FKBP14: variants seen among roughly 807,000 people sequenced by gnomAD.
FKBP14 encodes FKBP prolyl isomerase 14, also known as peptidyl-prolyl cis-trans isomerase FKBP14.
A neutral mutation model predicts 21.6 loss-of-function variants in FKBP14; 20 were observed. The ratio of observed to expected loss-of-function variants is 0.92; its 90% CI spans 0.65 to 1.34. The LOEUF (loss-of-function observed/expected upper bound fraction) is 1.34. Ranked by LOEUF, FKBP14 falls within the 40% of genes most tolerant of loss-of-function variation. The pLI is 0.00. For synonymous variants in FKBP14, 79 were observed against 86.7 expected, an observed-to-expected ratio of 0.91 and a Z score of 0.49; for missense variants, 253 against 249.0, an observed-to-expected ratio of 1.02 and a Z score of -0.11.
Position 30,022,771 on chromosome 7 carries a change from G to A in FKBP14, c.243C>T (p.Ile81=), listed in dbSNP as rs764819173. 1 of 1,614,092 alleles carries A rather than the reference G, an allele frequency of 6.2e-7. No individual in the cohort carries two copies. ...NGQPIWFTLG[I]LEALKGWDQG... is the part of the protein sequence containing the mutation. ...GGTCCCAACCTTTGAGAGCCTCCAG[G>A]ATGCCCAGGGTAAACCAAATGGGCT... The change falls in exon 2 of 4, where the codon ATC becomes ATT. Residue 81 remains isoleucine (I), a synonymous_variant. Coordinates refer to ENST00000222803, the MANE Select transcript of FKBP14 (RefSeq NM_017946.4).
At chr7:30,026,224 C>G in intron 1 of FKBP14, 88 bp downstream of exon 1, 1 of 1,293,588 alleles carries the variant, frequency 7.7e-7, no homozygotes, top group Non-Finnish European at 1.1e-6. Flanking sequence ...GAGGCAAAAC[C>G]AGGTACAGGC....
rs1187122243 is a variant in FKBP14 at position 30,014,767 on chromosome 7, T to C, written c.604A>G (p.Arg202Gly). 1 of 1,606,442 alleles carries C rather than the reference T, an allele frequency of 6.2e-7. No individual in the cohort carries two copies. The highest frequency in any genetic ancestry group is 1.1e-5 in the South Asian group (1 of 89,496). The part of the protein sequence containing the change: ...DEDKDGFISA[R>G]EFTYKHDEL ...TCATCGTGTTTATATGTAAATTCTC[T>C]GGCAGATATAAACCCATCTTTGTCT... The change falls in exon 4 of 4, where the codon AGA becomes GGA. Residue 202 changes from arginine (R) to glycine (G), a missense_variant. Transcript: ENST00000222803.
At chr7:30,016,032 C>T (rs1237311692) in intron 3 of FKBP14, among the ~76,000 whole-genome samples, 3 of 152,146 alleles carry the variant, frequency 2.0e-5, no homozygotes, top group African/African-American at 7.2e-5. Flanking sequence ...ACCTCAGCCT[C>T]ACACGTACCT....
At chr7:30,017,108 A>G (rs190633749) in intron 3 of FKBP14, among the ~76,000 whole-genome samples, 2 of 152,270 alleles carry the variant, frequency 1.3e-5, no homozygotes, top group East Asian at 1.9e-4. Flanking sequence ...GAAAGGATAT[A>G]TTAGAAACTA....
At chr7:30,019,688 G>A (rs1789979438) in intron 2 of FKBP14, among the ~76,000 whole-genome samples, 1 of 152,050 alleles carries the variant, frequency 6.6e-6, no homozygotes, top group Non-Finnish European at 1.5e-5. Context: ...ATAAAATGCA[G>A]ATAATAAATT....
downstream of FKBP14, among the ~76,000 whole-genome samples, chr7:30,007,207 CTTTG>C (rs1789632474): frequency 8.9e-6 from 1 of 112,462 alleles, no homozygotes; most frequent in Admixed American, 1.2e-4. Flanking sequence ...AAAAAAGTTC[CTTTG>C]TTTTTTTTTT....
chr7:30,005,988 GAGAGC>G (rs1026144675), downstream of FKBP14, among the ~76,000 whole-genome samples: 8 of 152,026 alleles, frequency 5.3e-5, no homozygotes. Flanking sequence ...ATGTACTACA[GAGAGC>G]ATTTCAATTA....
In FKBP14 at chr7:30,026,604, C is replaced by T. The variant is rs1790188482; in HGVS notation, c.-96G>A. ...GTAGTTCAAGGCTTACGGACAAGGG[C>T]TTCAGACAAGTTCAGGACTCCCCCT... On this transcript the variant is annotated 5_prime_UTR_variant, in exon 1 of 4. Coordinates refer to ENST00000222803, the MANE Select transcript of FKBP14 (RefSeq NM_017946.4). 8.4e-7 allele frequency: 1 copy of T among 1,190,790 alleles called. No individual in the cohort carries two copies. Among genetic ancestry groups the T allele is most frequent in the Admixed American group, 2.7e-5 (1 of 36,906 alleles). 73.8% of individuals were successfully genotyped at this position (1,190,790 alleles called of 1,614,324 possible).
rs1360974688 is a variant in FKBP14, at chr7:30,010,759, A to G, written c.*3976T>C. The stretch of plus-strand genomic sequence containing the variant: ...CCACAGATTATAATGGAGTTGAAAA[A>G]TTCCTGTCACCTGCTAGGGATGTCT... On this transcript the variant is annotated 3_prime_UTR_variant, in exon 4 of 4. Coordinates refer to ENST00000222803, the MANE Select transcript of FKBP14 (RefSeq NM_017946.4). 1 of 152,206 alleles carries G rather than the reference A, an allele frequency of 6.6e-6. No individual in the cohort carries two copies. The highest frequency in any genetic ancestry group is 1.5e-5 in the Non-Finnish European group (1 of 68,048). 9.4% of individuals were successfully genotyped at this position (152,206 alleles called of 1,614,324 possible).
intron 3 of FKBP14, among the ~76,000 whole-genome samples, chr7:30,018,256 T>C (rs1007265984): frequency 6.6e-6 from 1 of 152,152 alleles, no homozygotes; most frequent in African/African-American, 2.4e-5. Flanking sequence ...TAGAATGAAT[T>C]TGATCAAAGC....
chr7:30,016,401 C>G (rs574045434), intron 3 of FKBP14, among the ~76,000 whole-genome samples: 1 of 147,020 alleles, frequency 6.8e-6, no homozygotes, highest in Non-Finnish European at 1.5e-5. Context: ...TTTTGTTTTT[C>G]TTTTTTTTTT....
chr7:30,015,452 A>G (rs1341805204), intron 3 of FKBP14, among the ~76,000 whole-genome samples: 1 of 150,832 alleles, frequency 6.6e-6, no homozygotes, highest in African/African-American at 2.4e-5. Context: ...AAATATATAT[A>G]TATATATAGC....
At chr7:30,020,247 A>AG in intron 2 of FKBP14, 1 of 1,273,146 alleles carries the variant, frequency 7.9e-7, no homozygotes, top group Non-Finnish European at 1.0e-6. Context: ...GACATGCGCT[A>AG]GGTTGTTGAT....
At chr7:30,009,827 TAAA>T (rs918480163), downstream of FKBP14, among the ~76,000 whole-genome samples, 5 of 102,362 alleles carry the variant, frequency 4.9e-5, no homozygotes, top group East Asian at 2.8e-4. Context: ...CTGTCTCTAC[TAAA>T]AAAAAAAAAA....
At chr7:30,023,624 A>G (rs1183379259) in intron 1 of FKBP14, among the ~76,000 whole-genome samples, 1 of 152,194 alleles carries the variant, frequency 6.6e-6, no homozygotes, top group East Asian at 1.9e-4. Context: ...GAAATATTCA[A>G]GACTGGGTAA....
chr7:30,020,177 C>G (rs2127948638), intron 2 of FKBP14: 1 of 1,065,660 alleles, frequency 9.4e-7, no homozygotes, highest in East Asian at 8.3e-5. Context: ...TTCATAAATT[C>G]CAAAGAGAAG....
At position 30,022,818 on chromosome 7, in the gene FKBP14, TA is replaced by T; in HGVS notation, c.198-3del. ...GGCTGACCATTGTTATGTTTGTGAC[TA>T]TGATAGAAATAAAACACATTAGAAC... On this transcript the variant is annotated splice_polypyrimidine_tract_variant and splice_region_variant and intron_variant, in intron 1 of 3. Transcript: ENST00000222803. 6.2e-7 allele frequency: 1 copy of T among 1,610,294 alleles called. No individual in the cohort carries two copies. Among genetic ancestry groups the T allele is most frequent in the Middle Eastern group, 1.7e-4 (1 of 6,050 alleles).
At chr7:30,022,172 C>A (rs1257097233) in intron 2 of FKBP14, among the ~76,000 whole-genome samples, 1 of 152,164 alleles carries the variant, frequency 6.6e-6, no homozygotes, top group Non-Finnish European at 1.5e-5. Flanking sequence ...GCATTCAATA[C>A]TTTAATAATC....
intron 1 of FKBP14, among the ~76,000 whole-genome samples, 163 bp downstream of exon 1, chr7:30,026,149 A>G (rs1046890741): frequency 6.6e-6 from 1 of 152,240 alleles, no homozygotes; most frequent in African/African-American, 2.4e-5. Flanking sequence ...CGCTCGCTAT[A>G]TAAAACTGGC....
Sources: allele counts gnomAD v4.1 joint callset (sites outside exome capture counted in the v4.1 genomes callset), GRCh38; gene constraint gnomAD v4.1.1; transcripts MANE v1.5; gene names NCBI Gene and HGNC (gene_info 2026-07-23, HGNC 2026-07-21).